CCDC158: variants seen among roughly 807,000 people sequenced by gnomAD.
CCDC158 encodes coiled-coil domain containing 158.
In CCDC158, 116 loss-of-function variants were observed where a neutral mutation model predicts 138.6. That is an observed-to-expected ratio of 0.84 (90% CI 0.72 to 0.98). The LOEUF is 0.98. Ranked by LOEUF, CCDC158 falls within the 50% of genes least tolerant of loss-of-function variation. CCDC158 has a pLI of 0.00. For synonymous variants in CCDC158, 436 were observed against 442.4 expected (o/e 0.99, Z 0.18); for missense variants, 1,265 against 1,306.1 (o/e 0.97, Z 0.48).
intron 18 of CCDC158, among the ~76,000 whole-genome samples, chr4:76,346,429 T>C (rs1307964178): frequency 2.6e-5 from 4 of 152,174 alleles, no homozygotes; most frequent in Admixed American, 2.6e-4. Context: ...CAAAATAAAC[T>C]AGGCTGATGC....
At chr4:76,323,230 G>C in intron 24 of CCDC158, 72 bp downstream of exon 24, 1 of 1,089,178 alleles carries the variant, frequency 9.2e-7, no homozygotes, top group South Asian at 1.4e-5. Context: ...TCTATAGACA[G>C]GAGGCTTAAT....
intron 4 of CCDC158, among the ~76,000 whole-genome samples, chr4:76,394,154 A>C (rs759861588): frequency 6.6e-6 from 1 of 152,140 alleles, no homozygotes; most frequent in Non-Finnish European, 1.5e-5. Flanking sequence ...AAAGGAAATC[A>C]ATATACCAAA....
At chr4:76,369,681 A>G (rs1440710190) in intron 10 of CCDC158, 58 bp from the exon 11 acceptor site, 3 of 1,440,558 alleles carry the variant, frequency 2.1e-6, no homozygotes, top group Non-Finnish European at 1.9e-6. Flanking sequence ...AAGATAAAAC[A>G]TATTGTCTTT....
intron 10 of CCDC158, among the ~76,000 whole-genome samples, chr4:76,369,982 G>A (rs17001830): frequency 0.029 from 4,466 of 152,248 alleles, 223 homozygotes; most frequent in African/African-American, 0.1. Flanking sequence ...TCAAAAGCAT[G>A]AAGGAAAAAT....
At chr4:76,331,210 A>G (rs894340978) in intron 21 of CCDC158, 134 bp downstream of exon 21, 8 of 716,794 alleles carry the variant, frequency 1.1e-5, no homozygotes, top group Middle Eastern at 2.6e-4. Flanking sequence ...GACAGAGCCC[A>G]TATCTGTCTT....
chr4:76,330,613 G>C (rs538204379), intron 21 of CCDC158, among the ~76,000 whole-genome samples: 1 of 152,212 alleles, frequency 6.6e-6, no homozygotes, highest in African/African-American at 2.4e-5. Flanking sequence ...AAAGATGGTT[G>C]CATCTATACT....
rs781126879 is a variant in CCDC158, at chr4:76,313,195, T to C, written c.3329A>G (p.Asp1110Gly). ...NQEKRIQKVK[D>G]QEKMLLK Reference sequence around the variant, plus strand: ...TCATTTTAGTAACATTTTTTCCTGGTCTTTTACTTTCTGTATCCTCTTTTC... The same window carrying C: ...TCATTTTAGTAACATTTTTTCCTGGCCTTTTACTTTCTGTATCCTCTTTTC... Residue 1110 changes from aspartate to glycine, a missense_variant, in exon 25 of 25, where the codon GAC becomes GGC. Coordinates refer to ENST00000682701, the MANE Select transcript of CCDC158 (RefSeq NM_001394954.1). The C allele has an allele frequency of 6.2e-7, 1 of 1,608,082 alleles. No homozygotes were observed. The highest frequency in any genetic ancestry group is 8.5e-7 in the Non-Finnish European group (1 of 1,176,648).
At chr4:76,336,181 CAAAAAAAA>C (rs34498886) in intron 18 of CCDC158, among the ~76,000 whole-genome samples, 3 of 56,034 alleles carry the variant, frequency 5.4e-5, no homozygotes, top group African/African-American at 1.6e-4. Context: ...GACTCTGTCT[CAAAAAAAA>C]AAAAAAAAAA....
chr4:76,371,437 C>T lies in CCDC158; in HGVS notation c.1129G>A (p.Asp377Asn), dbSNP rs1300005690. 1.2e-6 allele frequency: 2 copies of T among 1,614,006 alleles called. No homozygotes were observed. Among genetic ancestry groups the T allele is most frequent in the East Asian group, 2.2e-5 (1 of 44,870 alleles). The change falls in exon 10 of 25, where the codon GAT (aspartate) becomes AAT (asparagine). Residue 377 changes from aspartate to asparagine, a missense_variant. Transcript: ENST00000682701. ...CTTACCAACAGCTTTTGAAGTTGAT[C>T]ATCTAAATTTCCAGATTCCTGACTG... The part of the protein sequence containing the change: ...QFSQESGNLD[D>N]QLQKLLADLH...
At chr4:76,367,056 T>C (rs1724741258) in intron 12 of CCDC158, among the ~76,000 whole-genome samples, 1 of 152,136 alleles carries the variant, frequency 6.6e-6, no homozygotes, top group South Asian at 2.1e-4. Context: ...CTTCATAGAT[T>C]TTCTGATCTT....
chr4:76,345,261 C>T lies in CCDC158; in HGVS notation c.2664+5735G>A, dbSNP rs554134596. On this transcript the variant is annotated intron_variant, in intron 18 of 24. Coordinates refer to ENST00000682701, the MANE Select transcript of CCDC158 (RefSeq NM_001394954.1). ...AGATCTGAAGCTAACAGAGCTCCAA[C>T]GATACTACATGCTCAACATCGAAGC... The T allele has an allele frequency of 7.6e-5, 71 of 938,448 alleles. No homozygotes were observed. In the East Asian group the frequency reaches 1.6e-3, roughly 21 times the overall value. 58.1% of individuals were successfully genotyped at this position (938,448 alleles called of 1,614,324 possible).
chr4:76,361,111 G>T (rs1724088050), intron 13 of CCDC158, among the ~76,000 whole-genome samples: 1 of 152,084 alleles, frequency 6.6e-6, no homozygotes, highest in South Asian at 2.1e-4. Context: ...CTCCCCCTTT[G>T]TGTGCTCTCT....
intron 18 of CCDC158, among the ~76,000 whole-genome samples, chr4:76,349,902 A>T (rs1429317158): frequency 6.6e-6 from 1 of 152,172 alleles, no homozygotes; most frequent in Non-Finnish European, 1.5e-5. Flanking sequence ...CTTGTTAGAG[A>T]GGAAAAGATC....
chr4:76,394,731 A>T (rs1335875464), intron 4 of CCDC158, among the ~76,000 whole-genome samples: 1 of 152,126 alleles, frequency 6.6e-6, no homozygotes, highest in Non-Finnish European at 1.5e-5. Flanking sequence ...GTACCAAAAT[A>T]GCTCATGTAC....
intron 12 of CCDC158, among the ~76,000 whole-genome samples, chr4:76,363,006 C>T (rs1279570607): frequency 6.6e-6 from 1 of 152,180 alleles, no homozygotes; most frequent in Non-Finnish European, 1.5e-5. Flanking sequence ...AAAAAGGCCG[C>T]TTACAAGGTT....
chr4:76,328,244 A>C (rs1213749228), intron 22 of CCDC158, among the ~76,000 whole-genome samples: 1 of 152,092 alleles, frequency 6.6e-6, no homozygotes, highest in Non-Finnish European at 1.5e-5. Context: ...CCTTTTGTCT[A>C]TTCAATAAAT....
At chr4:76,315,254 G>A (rs573062732) in intron 24 of CCDC158, among the ~76,000 whole-genome samples, 11 of 152,120 alleles carry the variant, frequency 7.2e-5, no homozygotes, top group African/African-American at 2.6e-4. Context: ...CAGTGGCCAC[G>A]GCAAGCCCTA....
intron 9 of CCDC158, 73 bp from the exon 10 acceptor site, chr4:76,371,609 A>C: frequency 2.0e-6 from 3 of 1,531,800 alleles, no homozygotes; most frequent in Non-Finnish European, 2.7e-6. Flanking sequence ...TAGACTTTGG[A>C]AAACAAATGG....
chr4:76,369,819 T>C (rs1306764496), intron 10 of CCDC158, among the ~76,000 whole-genome samples, 196 bp from the exon 11 acceptor site: 1 of 152,212 alleles, frequency 6.6e-6, no homozygotes, highest in African/African-American at 2.4e-5. Flanking sequence ...ATTTCTAGCA[T>C]TACTAGTCTA....
Sources: gnomAD v4.1 joint callset for allele counts (sites outside exome capture counted in the v4.1 genomes callset) on GRCh38, gnomAD v4.1.1 for gene constraint, MANE v1.5 for transcripts, NCBI Gene and HGNC (gene_info 2026-07-23, HGNC 2026-07-21) for gene names.